TRPM6: variants seen among roughly 807,000 people sequenced by gnomAD.
The protein encoded by TRPM6 is transient receptor potential cation channel subfamily M member 6, also known as channel kinase 2.
A neutral mutation model predicts 247.6 loss-of-function variants in TRPM6; 111 were observed. The ratio of observed to expected loss-of-function variants is 0.45; its 90% CI spans 0.38 to 0.52. The LOEUF is 0.52. Ranked by LOEUF, TRPM6 falls within the 20% of genes least tolerant of loss-of-function variation. TRPM6 has a pLI of 0.00. For missense variants in TRPM6, 2,126 were observed against 2,421.5 expected, an observed-to-expected ratio of 0.88 and a Z score of 2.56; for synonymous variants, 892 against 853.8, an observed-to-expected ratio of 1.04 and a Z score of -0.78.
Position 74,761,788 on chromosome 9 carries a change from T to C in TRPM6, c.4693A>G (p.Ile1565Val), listed in dbSNP as rs771946368. 1 of 1,613,768 alleles carries C rather than the reference T, an allele frequency of 6.2e-7. No individual in the cohort carries two copies. Among genetic ancestry groups the C allele is most frequent in the Admixed American group, 1.7e-5 (1 of 60,016 alleles). The change falls in exon 27 of 39, where the codon ATA becomes GTA. Residue 1565 changes from isoleucine (I) to valine (V), a missense_variant. Coordinates refer to ENST00000360774, the MANE Select transcript of TRPM6 (RefSeq NM_017662.5). ...KIKNLSGSSE[I>V]GQGAWVKAKM... ...GCTTTGACCCATGCTCCCTGCCCTA[T>C]TTCTGAAGAGCCTGAAAGATCTGCA...
chr9:74,775,870 T>C lies in TRPM6; in HGVS notation c.3403+13A>G, dbSNP rs750071268. On this transcript the variant is annotated intron_variant, in intron 24 of 38. Transcript: ENST00000360774. ...TTTGCTCTCTTTCTCCTGCCTCACATAGAACAACTTACTTAATCCAACGTC... is the reference window on the plus strand; with the variant it reads ...TTTGCTCTCTTTCTCCTGCCTCACACAGAACAACTTACTTAATCCAACGTC... The C allele has an allele frequency of 1.5e-5, 25 of 1,613,812 alleles. No homozygotes were observed. The highest frequency in any genetic ancestry group is 2.1e-5 in the Non-Finnish European group (25 of 1,179,758).
intron 24 of TRPM6, among the ~76,000 whole-genome samples, chr9:74,772,353 A>G (rs1356247183): frequency 2.0e-5 from 3 of 152,262 alleles, no homozygotes; most frequent in Non-Finnish European, 2.9e-5. Flanking sequence ...AATGACTCAT[A>G]TATAGAATTC....
chr9:74,858,960 A>C (rs2118364929), intron 1 of TRPM6, among the ~76,000 whole-genome samples: 1 of 152,342 alleles, frequency 6.6e-6, no homozygotes, highest in East Asian at 1.9e-4. Context: ...ACGCAAAGTG[A>C]ATATGCCCAT....
intron 11 of TRPM6, among the ~76,000 whole-genome samples, chr9:74,814,037 C>A (rs1371808989): frequency 6.6e-6 from 1 of 152,084 alleles, no homozygotes; most frequent in Admixed American, 6.5e-5. Flanking sequence ...GTGGACATTG[C>A]AATAAGCCAA....
rs1827209814 is a variant in TRPM6 at position 74,776,089 on chromosome 9, G to A, written c.3210-13C>T. 1 of 1,603,032 alleles carries A rather than the reference G, an allele frequency of 6.2e-7. No individual in the cohort carries two copies. On this transcript the variant is annotated splice_polypyrimidine_tract_variant and intron_variant, in intron 23 of 38. Transcript: ENST00000360774. ...TAAGTAAACGTTGCTGTAAGATGAA[G>A]TAAGAGAGGGACAATGTTTTAATAT... is the stretch of plus-strand genomic sequence containing the variant.
chr9:74,862,093 C>G (rs977888606), intron 1 of TRPM6, among the ~76,000 whole-genome samples: 16 of 55,458 alleles, frequency 2.9e-4, no homozygotes, highest in African/African-American at 8.8e-4. Flanking sequence ...CTCAAAACTA[C>G]CAGAAAAAAA....
At chr9:74,781,553 A>AAAAG (rs57558691) in intron 23 of TRPM6, among the ~76,000 whole-genome samples, 1 of 147,054 alleles carries the variant, frequency 6.8e-6, no homozygotes, top group Non-Finnish European at 1.5e-5. Flanking sequence ...AAAAAAAAAA[A>AAAAG]GAAGAAAAAG....
At position 74,796,852 on chromosome 9, in the gene TRPM6, C is replaced by T. The variant is rs752184372; in HGVS notation, c.2280G>A (p.Leu760=). The change falls in exon 18 of 39, where the codon CTG becomes CTA. Residue 760 remains leucine (L), a synonymous_variant. Coordinates refer to ENST00000360774, the MANE Select transcript of TRPM6 (RefSeq NM_017662.5). ...SIILPPTILT[L]EFKSKAEMSH... ...ACATCTCAGCTTTGCTTTTAAATTC[C>T]AGTGTCAAAATGGTGGGTGGTAAAA... 2.5e-6 allele frequency: 4 copies of T among 1,613,742 alleles called. No individual in the cohort carries two copies. The highest frequency in any genetic ancestry group is 3.4e-6 in the Non-Finnish European group (4 of 1,179,828).
intron 24 of TRPM6, among the ~76,000 whole-genome samples, chr9:74,775,102 T>C (rs186463466): frequency 3.9e-4 from 60 of 152,316 alleles, no homozygotes; most frequent in Non-Finnish European, 7.1e-4. Context: ...ATTAGTACGA[T>C]AGTCATATCA....
intron 3 of TRPM6, among the ~76,000 whole-genome samples, chr9:74,851,509 A>G (rs1830311861): frequency 6.6e-6 from 1 of 152,036 alleles, no homozygotes; most frequent in African/African-American, 2.4e-5. Flanking sequence ...GCACTTTGGG[A>G]GGCTGAGGAC....
chr9:74,857,011 C>T (rs1830548678), intron 2 of TRPM6, among the ~76,000 whole-genome samples: 1 of 152,114 alleles, frequency 6.6e-6, no homozygotes, highest in Non-Finnish European at 1.5e-5. Context: ...TAGTAAAAGA[C>T]TCAGTAATTT....
intron 5 of TRPM6, among the ~76,000 whole-genome samples, chr9:74,835,518 T>C (rs1206777473): frequency 6.6e-6 from 1 of 152,134 alleles, no homozygotes; most frequent in Non-Finnish European, 1.5e-5. Flanking sequence ...GAGTAATATG[T>C]TAATGTTCGC....
At chr9:74,836,323 T>A (rs1829720073) in intron 5 of TRPM6, among the ~76,000 whole-genome samples, 1 of 152,338 alleles carries the variant, frequency 6.6e-6, no homozygotes, top group East Asian at 1.9e-4. Flanking sequence ...ACTGACCTTA[T>A]ATGTGTCATT....
chr9:74,870,935 A>T (rs1831006069), intron 1 of TRPM6, among the ~76,000 whole-genome samples: 1 of 152,182 alleles, frequency 6.6e-6, no homozygotes, highest in African/African-American at 2.4e-5. Flanking sequence ...TCCGTCTCAA[A>T]AAAAAAGAAA....
At chr9:74,882,572 T>C (rs1831396246) in intron 1 of TRPM6, among the ~76,000 whole-genome samples, 1 of 152,094 alleles carries the variant, frequency 6.6e-6, no homozygotes, top group Non-Finnish European at 1.5e-5. Flanking sequence ...ATCATCTCGC[T>C]CCAGTTAAAA....
In TRPM6 at chr9:74,761,776, C is replaced by G. The variant is rs573881304; in HGVS notation, c.4705G>C (p.Ala1569Pro). 6.2e-7 allele frequency: 1 copy of G among 1,613,866 alleles called. No individual in the cohort carries two copies. Among genetic ancestry groups the G allele is most frequent in the Non-Finnish European group, 8.5e-7 (1 of 1,179,918 alleles). ...LSGSSEIGQG[A>P]WVKAKMLTKD... is the part of the protein sequence containing the mutation. ...GTTAGCATTTTCGCTTTGACCCATG[C>G]TCCCTGCCCTATTTCTGAAGAGCCT... The change falls in exon 27 of 39, where the codon GCA (alanine) becomes CCA (proline). Residue 1569 changes from alanine to proline, a missense_variant. Coordinates refer to ENST00000360774, the MANE Select transcript of TRPM6 (RefSeq NM_017662.5).
Position 74,785,897 on chromosome 9 carries a change from A to G in TRPM6, c.2896T>C (p.Tyr966His). 6.2e-7 allele frequency: 1 copy of G among 1,614,232 alleles called. No individual in the cohort carries two copies. The highest frequency in any genetic ancestry group is 8.5e-7 in the Non-Finnish European group (1 of 1,180,042). Residue 966 changes from tyrosine (Y) to histidine (H), a missense_variant, in exon 21 of 39, where the codon TAT becomes CAT. By Grantham distance (83) the Tyr-to-His change is moderately conservative (BLOSUM62 2). This residue lies in a region of TRPM6 where 1,082 missense variants were observed against 1,307.9 expected (regional missense o/e 0.83). Transcript: ENST00000360774. ...ACCATTTTTGCAATCATGGTCACAT[A>G]TGGACCTGCATGTTGATTCACAGCA... is the stretch of plus-strand genomic sequence containing the variant. Reference protein sequence around the residue: ...FFAVNQHAGPYVTMIAKMTAN... With the variant: ...FFAVNQHAGPHVTMIAKMTAN...
chr9:74,808,583 A>G (rs1164158916), intron 13 of TRPM6, among the ~76,000 whole-genome samples: 1 of 152,232 alleles, frequency 6.6e-6, no homozygotes, highest in East Asian at 1.9e-4. Flanking sequence ...ATGTATATAG[A>G]GAGTTTTTTA....
chr9:74,742,244 T>C (rs545274392), intron 33 of TRPM6, among the ~76,000 whole-genome samples: 1 of 152,362 alleles, frequency 6.6e-6, no homozygotes, highest in Admixed American at 6.5e-5. Context: ...CCTGTGCTTA[T>C]TATAAATGGT....
Sources: gnomAD v4.1 joint callset for allele counts (sites outside exome capture counted in the v4.1 genomes callset) on GRCh38, gnomAD v4.1.1 for gene constraint, gnomAD v4.1.1 regional missense constraint, MANE v1.5 for transcripts, NCBI Gene and HGNC (gene_info 2026-07-23, HGNC 2026-07-21) for gene names.